The following TBC1D12 variants were observed in gnomAD, a reference collection of about 807,000 sequenced individuals.
The protein encoded by TBC1D12 is TBC1 domain family, member 12.
A neutral mutation model predicts 86.7 loss-of-function variants in TBC1D12; 56 were observed. The ratio of observed to expected loss-of-function variants is 0.65; its 90% confidence interval spans 0.52 to 0.81. TBC1D12 has a LOEUF of 0.81. Ranked by LOEUF, TBC1D12 falls within the 30% of genes least tolerant of loss-of-function variation. The probability of loss-of-function intolerance (pLI) is 0.00; values close to 1 mark genes in which losing one functional copy is unlikely to be tolerated. For synonymous variants in TBC1D12, 421 were observed against 411.7 expected (o/e 1.02, Z -0.27); for missense variants, 1,023 against 1,038.8 (o/e 0.98, Z 0.21).
At chr10:94,510,330 A>C (rs1423290513) in intron 8 of TBC1D12, 151 bp downstream of exon 8, 1 of 517,844 alleles carries the variant, frequency 1.9e-6, no homozygotes, top group East Asian at 3.4e-5. Context: ...TAGTTATAAA[A>C]TTATAAAGGA....
At chr10:94,479,950 T>G (rs1239860108) in intron 3 of TBC1D12, among the ~76,000 whole-genome samples, 1 of 152,146 alleles carries the variant, frequency 6.6e-6, no homozygotes, top group African/African-American at 2.4e-5. Flanking sequence ...GAGAAAAAAC[T>G]TCATTTTCAT....
At chr10:94,428,868 C>G (rs565196667) in intron 1 of TBC1D12, among the ~76,000 whole-genome samples, 4 of 152,118 alleles carry the variant, frequency 2.6e-5, no homozygotes, top group African/African-American at 7.2e-5. Context: ...TGCCACCATG[C>G]CTGGCTGATT....
rs553722737 is a variant in TBC1D12, at chr10:94,403,295, A to G, written c.682A>G (p.Ser228Gly). Residue 228 changes from serine to glycine, a missense_variant, in exon 1 of 13, where the codon AGC becomes GGC. By Grantham distance (56) the Ser-to-Gly change is moderately conservative. This residue lies in a region of TBC1D12 where 628 missense variants were observed against 531.1 expected (regional missense o/e 1.18). Coordinates refer to ENST00000225235, the MANE Select transcript of TBC1D12 (RefSeq NM_015188.2). ...GGGGGACAGCCCCGCCAGCAGCTGC[A>G]GCAGTAGCGAGGACTCAGAGCAGCG... ...DSGDSPASSC[S>G]SSEDSEQRGV... The G allele has an allele frequency of 1.1e-5, 17 of 1,503,582 alleles. No homozygotes were observed. The African/African-American group carries it at 2.3e-4, about 21-fold the overall frequency. The allele number at this position is 1,503,582 out of a possible 1,614,324, so 93.1% of individuals were successfully genotyped here.
intron 11 of TBC1D12, among the ~76,000 whole-genome samples, chr10:94,524,146 GTTCC>G (rs1315604368): frequency 6.6e-6 from 1 of 152,104 alleles, no homozygotes; most frequent in Non-Finnish European, 1.5e-5. Flanking sequence ...AGGCACCAAC[GTTCC>G]TTCCATTTTT....
At chr10:94,407,329 G>A (rs564275321) in intron 1 of TBC1D12, among the ~76,000 whole-genome samples, 2 of 152,294 alleles carry the variant, frequency 1.3e-5, no homozygotes, top group South Asian at 4.1e-4. Context: ...ATGGTGACTT[G>A]GCTGTCAGAG....
At chr10:94,513,002 A>G (rs2056544256) in intron 9 of TBC1D12, among the ~76,000 whole-genome samples, 2 of 151,924 alleles carry the variant, frequency 1.3e-5, no homozygotes, top group African/African-American at 4.8e-5. Context: ...TAATCCCAGC[A>G]CTTTGGGAGG....
At chr10:94,522,525 C>G (rs1842177877) in intron 11 of TBC1D12, 72 bp downstream of exon 11, 8 of 673,992 alleles carry the variant, frequency 1.2e-5, no homozygotes, top group Non-Finnish European at 1.9e-5. Context: ...GTTTTAGGAA[C>G]TAGAGTAAAT....
In TBC1D12 at chr10:94,526,251, C is replaced by T. The variant is rs58285722; in HGVS notation, c.2000+3798C>T. On this transcript the variant is annotated intron_variant, in intron 11 of 12. Coordinates refer to ENST00000225235, the MANE Select transcript of TBC1D12 (RefSeq NM_015188.2). Reference sequence around the variant, plus strand: ...TTTGAGACCAGCCTAGGCAAGATGGCGAAACCCCATCTCTACAAAAAATAC... The same window carrying T: ...TTTGAGACCAGCCTAGGCAAGATGGTGAAACCCCATCTCTACAAAAAATAC... Among the ~76,000 whole-genome samples, 493 of 151,924 alleles carry T rather than the reference C, an allele frequency of 3.2e-3. 2 individuals are homozygous for T. Among genetic ancestry groups the T allele is most frequent in the African/African-American group, 0.011 (476 of 41,430 alleles).
chr10:94,524,737 A>G (rs1842243885), intron 11 of TBC1D12, among the ~76,000 whole-genome samples: 1 of 152,006 alleles, frequency 6.6e-6, no homozygotes, highest in Non-Finnish European at 1.5e-5. Flanking sequence ...TTAAAAAAAA[A>G]AAAAAAAAGA....
At chr10:94,412,211 T>A (rs576605357) in intron 1 of TBC1D12, among the ~76,000 whole-genome samples, 5 of 152,212 alleles carry the variant, frequency 3.3e-5, no homozygotes, top group African/African-American at 9.7e-5. Context: ...GAGGGTTAAA[T>A]AATATTTTAC....
intron 3 of TBC1D12, among the ~76,000 whole-genome samples, chr10:94,482,318 T>C (rs377140918): frequency 6.6e-6 from 1 of 151,256 alleles, no homozygotes; most frequent in East Asian, 1.9e-4. Flanking sequence ...CCATCAATGG[T>C]TCCCGCTTTT....
At chr10:94,484,533 C>G (rs540807765) in intron 3 of TBC1D12, among the ~76,000 whole-genome samples, 32 of 152,198 alleles carry the variant, frequency 2.1e-4, no homozygotes, top group Non-Finnish European at 4.3e-4. Flanking sequence ...AGCCACCACG[C>G]CTGGCCAGTT....
intron 2 of TBC1D12, among the ~76,000 whole-genome samples, chr10:94,459,053 TGATTGGTCCATTTTACAGAGAGC>T (rs2055677825): frequency 3.0e-3 from 1 of 334 alleles, no homozygotes; most frequent in Non-Finnish European, 4.6e-3. Context: ...CGCAGCCTAC[TGATTGGTCCATTTTACAGAGAGC>T]TGATTGGTCC....
At chr10:94,531,515 T>TA in intron 12 of TBC1D12, 55 bp downstream of exon 12, 1 of 1,483,866 alleles carries the variant, frequency 6.7e-7, no homozygotes. Context: ...TGACTTATTG[T>TA]AAAAAAGTTA....
At chr10:94,469,400 A>G (rs1049530893) in intron 2 of TBC1D12, among the ~76,000 whole-genome samples, 36 of 137,808 alleles carry the variant, frequency 2.6e-4, no homozygotes, top group Admixed American at 6.4e-4. Flanking sequence ...ATCAGTATTC[A>G]GCTGAAGACT....
chr10:94,430,331 G>A (rs1273647114), intron 1 of TBC1D12, among the ~76,000 whole-genome samples: 1 of 152,220 alleles, frequency 6.6e-6, no homozygotes, highest in African/African-American at 2.4e-5. Context: ...TTGGCAGTAA[G>A]AAGATTCAGG....
At chr10:94,517,100 G>A (rs971839952) in intron 9 of TBC1D12, among the ~76,000 whole-genome samples, 6 of 152,126 alleles carry the variant, frequency 3.9e-5, no homozygotes, top group African/African-American at 1.4e-4. Flanking sequence ...TCTTCAGGCT[G>A]CGTGCGGTGG....
intron 1 of TBC1D12, among the ~76,000 whole-genome samples, chr10:94,405,811 C>CT (rs2054846284): frequency 2.8e-5 from 4 of 142,738 alleles, no homozygotes; most frequent in African/African-American, 1.1e-4. Context: ...AATTTCTGAA[C>CT]ATTTTTTTTT....
chr10:94,410,056 C>T (rs1034697199), intron 1 of TBC1D12, among the ~76,000 whole-genome samples: 2 of 152,078 alleles, frequency 1.3e-5, no homozygotes, highest in Admixed American at 6.6e-5. Flanking sequence ...AAAGTTTTTA[C>T]TTTTAAGTTT....
Sources: gnomAD v4.1 joint callset for allele counts (sites outside exome capture counted in the v4.1 genomes callset) on GRCh38, gnomAD v4.1.1 for gene constraint, gnomAD v4.1.1 regional missense constraint, MANE v1.5 for transcripts, NCBI Gene and HGNC (gene_info 2026-07-23, HGNC 2026-07-21) for gene names.